The following EPHA6 variants were observed in gnomAD, a reference collection of about 807,000 sequenced individuals.
The protein encoded by EPHA6 is EPH receptor A6, also known as ephrin type-A receptor 6.
A neutral mutation model predicts 112.0 loss-of-function variants in EPHA6; 50 were observed. That is an observed-to-expected ratio of 0.45 (90% CI 0.36 to 0.56). EPHA6 has a LOEUF of 0.56. EPHA6 is among the 20% of genes least tolerant of loss of function. The pLI is 0.00. For synonymous variants in EPHA6, 529 were observed against 490.7 expected (o/e 1.08, Z -1.03); for missense variants, 1,280 against 1,417.4 (o/e 0.90, Z 1.56).
chr3:97,569,081 A>G (rs2093303813), intron 11 of EPHA6, among the ~76,000 whole-genome samples: 1 of 152,198 alleles, frequency 6.6e-6, no homozygotes, highest in African/African-American at 2.4e-5. Flanking sequence ...AAGAATAGAT[A>G]TGAAGGCCCC....
At chr3:97,479,251 C>G in intron 8 of EPHA6, 43 bp from the exon 9 acceptor site, 2 of 1,354,978 alleles carry the variant, frequency 1.5e-6, no homozygotes, top group Non-Finnish European at 2.0e-6. Flanking sequence ...TTGTATGCAT[C>G]ATACTTCTTA....
intron 5 of EPHA6, among the ~76,000 whole-genome samples, chr3:97,284,691 A>C (rs1291322620): frequency 2.0e-5 from 3 of 152,190 alleles, no homozygotes; most frequent in Non-Finnish European, 4.4e-5. Flanking sequence ...ATAGTGAACT[A>C]TCCCAGATTT....
intron 11 of EPHA6, among the ~76,000 whole-genome samples, chr3:97,555,929 T>C (rs1451565977): frequency 1.3e-5 from 2 of 152,086 alleles, no homozygotes; most frequent in Non-Finnish European, 2.9e-5. Context: ...CTCTTTAGTT[T>C]AATTAAATCG....
At chr3:97,189,044 C>G (rs1270469431) in intron 3 of EPHA6, among the ~76,000 whole-genome samples, 1 of 151,826 alleles carries the variant, frequency 6.6e-6, no homozygotes, top group Non-Finnish European at 1.5e-5. Flanking sequence ...ATTGAAAGCT[C>G]AGCAATGGTG....
At chr3:97,492,713 ATTG>A (rs758333516) in intron 10 of EPHA6, among the ~76,000 whole-genome samples, 5 of 151,492 alleles carry the variant, frequency 3.3e-5, no homozygotes, top group Non-Finnish European at 7.4e-5. Context: ...ATGCAAATAA[ATTG>A]TTGTTCAAAG....
At chr3:97,600,833 G>T (rs1419659548) in intron 12 of EPHA6, among the ~76,000 whole-genome samples, 1 of 151,368 alleles carries the variant, frequency 6.6e-6, no homozygotes, top group Non-Finnish European at 1.5e-5. Context: ...TGATGCATTT[G>T]ATATCAAGCT....
chr3:97,454,749 A>G (rs927534071), intron 7 of EPHA6, among the ~76,000 whole-genome samples: 5 of 151,890 alleles, frequency 3.3e-5, no homozygotes, highest in Admixed American at 6.6e-5. Context: ...TGTTGGTTGA[A>G]GCACAATCTG....
intron 3 of EPHA6, among the ~76,000 whole-genome samples, chr3:97,082,415 T>C (rs9876693): frequency 0.15 from 22,256 of 151,856 alleles, 2,921 homozygotes; most frequent in African/African-American, 0.35. Context: ...AAAATATATG[T>C]TCACTTGATA....
At chr3:97,119,213 C>T (rs568949040) in intron 3 of EPHA6, among the ~76,000 whole-genome samples, 1 of 152,052 alleles carries the variant, frequency 6.6e-6, no homozygotes, top group East Asian at 1.9e-4. Flanking sequence ...AGACCCAAGC[C>T]AGGCTACTAA....
At position 97,091,107 on chromosome 3, in the gene EPHA6, A is replaced by C. The variant is rs76160922; in HGVS notation, c.1114+103114A>C. Among the ~76,000 whole-genome samples, 47 of 152,270 alleles carry C rather than the reference A, an allele frequency of 3.1e-4. No homozygotes were observed. The East Asian group carries it at 8.7e-3, about 28-fold the overall frequency. On this transcript the variant is annotated intron_variant, in intron 3 of 17. Transcript: ENST00000389672. ...CTTCCCTCTTCCATTTTCCCAGGACAACAGGCACAAACCAACACTGTCCCA... is the reference window on the plus strand; with the variant it reads ...CTTCCCTCTTCCATTTTCCCAGGACCACAGGCACAAACCAACACTGTCCCA...
At chr3:96,904,747 A>C (rs1297923419) in intron 2 of EPHA6, among the ~76,000 whole-genome samples, 4 of 152,180 alleles carry the variant, frequency 2.6e-5, no homozygotes, top group African/African-American at 9.7e-5. Flanking sequence ...CAAAATGTAC[A>C]GCAGATATGT....
chr3:97,073,355 A>C (rs935101969), intron 3 of EPHA6, among the ~76,000 whole-genome samples: 3 of 152,188 alleles, frequency 2.0e-5, no homozygotes, highest in African/African-American at 7.2e-5. Flanking sequence ...CCTCCTTCCT[A>C]ATTTTTATAT....
chr3:97,529,792 A>G (rs2107642635), intron 10 of EPHA6, among the ~76,000 whole-genome samples: 1 of 152,164 alleles, frequency 6.6e-6, no homozygotes, highest in Non-Finnish European at 1.5e-5. Flanking sequence ...GTACCACTGA[A>G]ATAAGTGTGA....
chr3:96,982,135 A>C, intron 2 of EPHA6, among the ~76,000 whole-genome samples: 1 of 151,784 alleles, frequency 6.6e-6, no homozygotes, highest in Non-Finnish European at 1.5e-5. Flanking sequence ...TAGTTCTTTT[A>C]ATTGTGATGT....
intron 3 of EPHA6, among the ~76,000 whole-genome samples, chr3:96,992,484 A>AG (rs1215558285): frequency 6.6e-6 from 1 of 152,246 alleles, no homozygotes. Flanking sequence ...GAGGTTTAAC[A>AG]GAGCTGCATG....
At chr3:97,505,521 T>C (rs1357593158) in intron 10 of EPHA6, among the ~76,000 whole-genome samples, 1 of 152,210 alleles carries the variant, frequency 6.6e-6, no homozygotes, top group Admixed American at 6.5e-5. Flanking sequence ...CATGAACTCA[T>C]CCTTTTTTAT....
intron 3 of EPHA6, among the ~76,000 whole-genome samples, chr3:97,167,066 TC>T (rs771374256): frequency 5.9e-5 from 9 of 152,164 alleles, no homozygotes; most frequent in Non-Finnish European, 1.2e-4. Context: ...CCATTCATAT[TC>T]AATAAGACAC....
chr3:97,273,512 A>C (rs534663097), intron 5 of EPHA6, among the ~76,000 whole-genome samples: 2 of 152,196 alleles, frequency 1.3e-5, no homozygotes, highest in African/African-American at 4.8e-5. Flanking sequence ...CAGGAGCTCA[A>C]ATGGGCTGTA....
chr3:97,761,153 A>C lies in EPHA6; in HGVS notation c.*12452A>C, dbSNP rs1183416262. ...ATTATCTACTTTACTATAGCAGTGA[A>C]GTAGTCCAGACTTATTTGAAGGTGG... On this transcript the variant is annotated 3_prime_UTR_variant, in exon 18 of 18. Transcript: ENST00000389672. 1 of 201,108 alleles carries C rather than the reference A, an allele frequency of 5.0e-6. No individual in the cohort carries two copies. Among genetic ancestry groups the C allele is most frequent in the Non-Finnish European group, 1.0e-5 (1 of 97,628 alleles). The allele number at this position is 201,108 out of a possible 1,614,324, so 12.5% of individuals were successfully genotyped here.
Sources: allele counts gnomAD v4.1 joint callset (sites outside exome capture counted in the v4.1 genomes callset), GRCh38; gene constraint gnomAD v4.1.1; transcripts MANE v1.5; gene names NCBI Gene and HGNC (gene_info 2026-07-23, HGNC 2026-07-21).